The following PCNX1 variants were observed in gnomAD, a reference collection of about 807,000 sequenced individuals.
PCNX1 encodes the protein pecanex 1.
Under a neutral mutation model 242.2 loss-of-function variants are expected in PCNX1, and 78 were observed. The observed-to-expected ratio is 0.32, with a 90% CI of 0.27 to 0.39. The LOEUF (loss-of-function observed/expected upper bound fraction) is 0.39, where lower values mean the gene tolerates loss of function less well. Ranked by LOEUF, PCNX1 falls within the 10% of genes least tolerant of loss-of-function variation. The pLI, the probability that PCNX1 is intolerant of heterozygous loss-of-function variation, is 1.00. For synonymous variants in PCNX1, 1,024 were observed against 1,032.9 expected, an observed-to-expected ratio of 0.99 and a Z score of 0.17; for missense variants, 2,581 against 2,856.5, an observed-to-expected ratio of 0.90 and a Z score of 2.20.
intron 1 of PCNX1, among the ~76,000 whole-genome samples, chr14:70,908,686 T>A (rs533626616): frequency 4.6e-5 from 7 of 151,644 alleles, no homozygotes; most frequent in African/African-American, 1.7e-4. Context: ...CCGGTGGCCG[T>A]GGTGCTTCCT....
At chr14:71,038,530 A>G (rs1595340672) in intron 19 of PCNX1, among the ~76,000 whole-genome samples, 1 of 152,078 alleles carries the variant, frequency 6.6e-6, no homozygotes, top group South Asian at 2.1e-4. Flanking sequence ...ATGAGATACC[A>G]TCTCACACCA....
At chr14:71,011,677 C>A in intron 10 of PCNX1, 128 bp downstream of exon 10, 1 of 624,926 alleles carries the variant, frequency 1.6e-6, no homozygotes. Context: ...AAAACTATGG[C>A]AAAATCACTT....
intron 2 of PCNX1, among the ~76,000 whole-genome samples, chr14:70,948,776 TA>T: frequency 1.3e-5 from 2 of 148,982 alleles, no homozygotes; most frequent in African/African-American, 4.9e-5. Context: ...CATATATGTA[TA>T]GTGTATATAT....
rs550722852 is a variant in PCNX1 at position 71,086,310 on chromosome 14, G to T, written c.5338-2020G>T. Among the ~76,000 whole-genome samples, 31 of 152,284 alleles carry T rather than the reference G, an allele frequency of 2.0e-4. 1 individual carries two copies. In the South Asian group the frequency reaches 6.2e-3, roughly 31 times the overall value. On this transcript the variant is annotated intron_variant, in intron 28 of 35. Transcript: ENST00000304743. ...TCAATGTCAGTTGTGGGTCAGTTTTGATTGAGTGGTTAATTGATTGTTATT... is the reference window on the plus strand; with the variant it reads ...TCAATGTCAGTTGTGGGTCAGTTTTTATTGAGTGGTTAATTGATTGTTATT...
intron 8 of PCNX1, among the ~76,000 whole-genome samples, chr14:71,000,082 T>A (rs567345986): frequency 6.6e-6 from 1 of 152,282 alleles, no homozygotes; most frequent in African/African-American, 2.4e-5. Flanking sequence ...AATAATAAAT[T>A]CTATTCTTTG....
intron 1 of PCNX1, 23 bp downstream of exon 1, chr14:70,908,026 G>C: frequency 6.5e-7 from 1 of 1,546,748 alleles, no homozygotes; most frequent in Non-Finnish European, 8.7e-7. Flanking sequence ...GCGGGGAGCG[G>C]GTGGCTCCTT....
intron 14 of PCNX1, 67 bp downstream of exon 14, chr14:71,026,355 A>AAT (rs2060243491): frequency 2.1e-6 from 2 of 932,724 alleles, no homozygotes; most frequent in Non-Finnish European, 1.6e-6. Context: ...TTTACTGATA[A>AAT]ATATATCAAT....
chr14:71,095,753 A>G (rs182520359), intron 30 of PCNX1, among the ~76,000 whole-genome samples: 10 of 152,334 alleles, frequency 6.6e-5, no homozygotes, highest in African/African-American at 1.7e-4. Context: ...ACAGTTTTCA[A>G]TGTATGTAGA....
intron 1 of PCNX1, 157 bp from the exon 2 acceptor site, chr14:70,946,758 A>G: frequency 3.3e-6 from 2 of 597,146 alleles, no homozygotes; most frequent in East Asian, 2.8e-5. Flanking sequence ...TGTCTTTTGC[A>G]TTGGGCATTG....
In PCNX1 at chr14:71,019,165, A is replaced by G. The variant is rs374540154; in HGVS notation, c.3150+3A>G. 188 of 1,596,930 alleles carry G rather than the reference A, an allele frequency of 1.2e-4. No homozygotes were observed. Among genetic ancestry groups the G allele is most frequent in the Non-Finnish European group, 1.5e-4 (181 of 1,173,232 alleles). ...GCTGTCAATACTCACTGCTTAAGGT[A>G]CCAGCATCTCTTCTTTTCATGCTAC... On this transcript the variant is annotated splice_donor_region_variant and intron_variant, in intron 12 of 35. Coordinates refer to ENST00000304743, the MANE Select transcript of PCNX1 (RefSeq NM_014982.3).
In PCNX1 at chr14:71,088,342, G is replaced by C; in HGVS notation, c.5350G>C (p.Asp1784His). 1 of 1,606,424 alleles carries C rather than the reference G, an allele frequency of 6.2e-7. No individual in the cohort carries two copies. The highest frequency in any genetic ancestry group is 8.5e-7 in the Non-Finnish European group (1 of 1,173,780). The stretch of plus-strand genomic sequence containing the variant: ...TGTTTTTTTAAAGCCTGTGGATGTG[G>C]ACAAAGATTCATCCCTAGTGACTCT... ...SSRRAKPVDV[D>H]KDSSLVTLCY... Residue 1784 changes from aspartate to histidine, a missense_variant, in exon 29 of 36, where the codon GAC becomes CAC. This residue lies in a region of PCNX1 where 298 missense variants were observed against 480.1 expected (regional missense o/e 0.62). Transcript: ENST00000304743.
At position 71,109,011 on chromosome 14, in the gene PCNX1, C is replaced by T; in HGVS notation, c.6709C>T (p.His2237Tyr). 6.2e-7 allele frequency: 1 copy of T among 1,613,796 alleles called. No homozygotes were observed. Among genetic ancestry groups the T allele is most frequent in the South Asian group, 1.1e-5 (1 of 91,024 alleles). ...GNTLSPANNS[H>Y]SRKAEVIYRV... ...CACCTTAAGTCCTGCCAACAATTCA[C>T]ACTCCAGAAAGGCAGAAGTGATTTA... Residue 2237 changes from histidine (H) to tyrosine (Y), a missense_variant, in exon 34 of 36, where the codon CAC (histidine) becomes TAC (tyrosine). Physicochemically the swap from His to Tyr is moderately conservative, Grantham distance 83. Transcript: ENST00000304743.
chr14:70,925,088 A>G (rs963242645), intron 1 of PCNX1, among the ~76,000 whole-genome samples: 5 of 152,016 alleles, frequency 3.3e-5, no homozygotes, highest in African/African-American at 1.2e-4. Flanking sequence ...TCCTGGCTTC[A>G]AGTGATTCTC....
intron 28 of PCNX1, chr14:71,085,620 A>G (rs1216789352): frequency 6.4e-6 from 1 of 155,972 alleles, no homozygotes; most frequent in Non-Finnish European, 1.4e-5. Context: ...GAGGTATGCA[A>G]TCTGATGCTC....
intron 16 of PCNX1, among the ~76,000 whole-genome samples, chr14:71,029,074 A>G (rs1215808637): frequency 6.6e-6 from 1 of 152,152 alleles, no homozygotes; most frequent in South Asian, 2.1e-4. Context: ...GGGTAGGCAT[A>G]GTAATTACAG....
At chr14:70,996,051 G>T in intron 8 of PCNX1, 126 bp downstream of exon 8, 1 of 673,454 alleles carries the variant, frequency 1.5e-6, no homozygotes. Context: ...TTTTTACATA[G>T]GATTTACCCT....
chr14:71,062,349 G>A (rs113774030), intron 26 of PCNX1, among the ~76,000 whole-genome samples: 6 of 151,690 alleles, frequency 4.0e-5, no homozygotes, highest in Admixed American at 1.3e-4. Flanking sequence ...TGGCTAGTGT[G>A]TGTGTTTGTG....
At chr14:70,957,703 T>C (rs1304615005) in intron 2 of PCNX1, among the ~76,000 whole-genome samples, 1 of 152,198 alleles carries the variant, frequency 6.6e-6, no homozygotes, top group Non-Finnish European at 1.5e-5. Flanking sequence ...GGTGGTGGTT[T>C]CATAATTTAA....
intron 3 of PCNX1, among the ~76,000 whole-genome samples, chr14:70,962,670 C>T (rs536919508): frequency 2.6e-4 from 36 of 140,806 alleles, no homozygotes; most frequent in African/African-American, 9.1e-4. Flanking sequence ...CCAGTTTAAA[C>T]GTGGCCAAAA....
Sources: gnomAD v4.1 joint callset for allele counts (sites outside exome capture counted in the v4.1 genomes callset) on GRCh38, gnomAD v4.1.1 for gene constraint, gnomAD v4.1.1 regional missense constraint, MANE v1.5 for transcripts, NCBI Gene and HGNC (gene_info 2026-07-23, HGNC 2026-07-21) for gene names.